HPSE: variants seen among roughly 807,000 people sequenced by gnomAD.
HPSE encodes heparanase, also known as endo-glucoronidase.
HPSE carries 48 observed loss-of-function variants against 65.1 expected under a neutral mutation model. The ratio of observed to expected loss-of-function variants is 0.74; its 90% CI spans 0.58 to 0.94. The LOEUF is 0.94. Among genes scored for constraint, HPSE ranks in the 40% least tolerant of loss-of-function variants. HPSE has a pLI of 0.00. For missense variants in HPSE, 644 were observed against 637.5 expected, an observed-to-expected ratio of 1.01 and a Z score of -0.11; for synonymous variants, 243 against 260.0, an observed-to-expected ratio of 0.93 and a Z score of 0.63.
intron 8 of HPSE, among the ~76,000 whole-genome samples, chr4:83,306,884 A>T (rs1391260926): frequency 2.0e-5 from 3 of 152,212 alleles, no homozygotes; most frequent in Non-Finnish European, 4.4e-5. Flanking sequence ...TCCTGGGGAT[A>T]ACATCACTGT....
intron 11 of HPSE, among the ~76,000 whole-genome samples, chr4:83,296,556 T>C (rs1283923346): frequency 6.6e-6 from 1 of 151,798 alleles, no homozygotes; most frequent in Non-Finnish European, 1.5e-5. Context: ...GTGCCTGTAG[T>C]CCCAGCTACT....
intron 8 of HPSE, among the ~76,000 whole-genome samples, chr4:83,307,107 T>C (rs1736170384): frequency 6.6e-6 from 1 of 152,172 alleles, no homozygotes; most frequent in South Asian, 2.1e-4. Context: ...ACCGGCCAAA[T>C]TATCCTTAAA....
At chr4:83,328,844 G>A (rs965248040) in intron 1 of HPSE, among the ~76,000 whole-genome samples, 3 of 152,096 alleles carry the variant, frequency 2.0e-5, no homozygotes, top group Middle Eastern at 3.2e-3. Flanking sequence ...CTGATAGAGC[G>A]AAGTCCTTGG....
chr4:83,321,246 G>C (rs901110894), intron 2 of HPSE, among the ~76,000 whole-genome samples: 1 of 151,868 alleles, frequency 6.6e-6, no homozygotes, highest in African/African-American at 2.4e-5. Flanking sequence ...ACTCCAACCT[G>C]GTATTCAAAG....
At chr4:83,322,711 C>T (rs1237034603) in intron 1 of HPSE, among the ~76,000 whole-genome samples, 1 of 151,740 alleles carries the variant, frequency 6.6e-6, no homozygotes, top group African/African-American at 2.4e-5. Context: ...GGAAGCATCT[C>T]AATCTGAATC....
intron 6 of HPSE, among the ~76,000 whole-genome samples, chr4:83,309,729 T>G (rs916298798): frequency 6.6e-6 from 1 of 152,200 alleles, no homozygotes; most frequent in Non-Finnish European, 1.5e-5. Flanking sequence ...GGCAAGTACA[T>G]GTACTCCTGG....
intron 1 of HPSE, among the ~76,000 whole-genome samples, chr4:83,323,715 C>A (rs1210870227): frequency 2.0e-5 from 3 of 152,156 alleles, no homozygotes; most frequent in African/African-American, 7.2e-5. Context: ...TAATTCCCAT[C>A]ACTGACACCT....
At chr4:83,332,226 A>G (rs1373214384) in intron 1 of HPSE, among the ~76,000 whole-genome samples, 1 of 152,118 alleles carries the variant, frequency 6.6e-6, no homozygotes, top group East Asian at 1.9e-4. Context: ...TCTACTGTGG[A>G]CCCCTACAAA....
chr4:83,309,915 T>C, intron 6 of HPSE, 116 bp downstream of exon 6: 2 of 692,792 alleles, frequency 2.9e-6, no homozygotes, highest in South Asian at 3.9e-5. Context: ...AGACACTATT[T>C]GTTTCTTATT....
chr4:83,318,882 G>A (rs550839726), intron 3 of HPSE, among the ~76,000 whole-genome samples: 7 of 152,252 alleles, frequency 4.6e-5, no homozygotes, highest in Admixed American at 4.6e-4. Context: ...AAAAGAGAAT[G>A]CTGCTTGGTG....
chr4:83,301,884 G>T (rs1735961179), intron 10 of HPSE, among the ~76,000 whole-genome samples: 1 of 152,170 alleles, frequency 6.6e-6, no homozygotes, highest in African/African-American at 2.4e-5. Flanking sequence ...TTGAACCCGG[G>T]AGGCGGAGGT....
rs747977853 is a variant in HPSE at position 83,310,115 on chromosome 4, T to G, written c.843-37A>C. Reference sequence around the variant, plus strand: ...ATTTTATTATCACTCAGTCATATAATACATATATATGCACAATATACGCAT... The same window carrying G: ...ATTTTATTATCACTCAGTCATATAAGACATATATATGCACAATATACGCAT... On this transcript the variant is annotated intron_variant, in intron 5 of 11. Coordinates refer to ENST00000311412, the MANE Select transcript of HPSE (RefSeq NM_001098540.3). 4.4e-6 allele frequency: 6 copies of G among 1,352,842 alleles called. 1 individual carries two copies. In the South Asian group the frequency reaches 4.7e-5, roughly 11 times the overall value. 83.8% of individuals were successfully genotyped at this position (1,352,842 alleles called of 1,614,324 possible). A position where few individuals can be genotyped will look rare whatever the true frequency, so the allele number is the denominator to read the frequency against.
intron 9 of HPSE, 85 bp downstream of exon 9, chr4:83,306,118 T>C (rs533078240): frequency 2.7e-6 from 2 of 742,398 alleles, no homozygotes; most frequent in South Asian, 3.1e-5. Flanking sequence ...CTGAGAGGAC[T>C]GACTGTTCAT....
intron 4 of HPSE, among the ~76,000 whole-genome samples, chr4:83,312,464 T>A (rs1431326237): frequency 2.0e-5 from 3 of 151,334 alleles, no homozygotes; most frequent in Admixed American, 1.3e-4. Context: ...GATCATGGGG[T>A]CAGGAGATAG....
chr4:83,308,889 TCCA>T lies in HPSE; in HGVS notation c.1044_1046del (p.Tyr348_Gly349delinsTer). The T allele has an allele frequency of 1.2e-6, 2 of 1,614,172 alleles. No homozygotes were observed. Among genetic ancestry groups the T allele is most frequent in the Non-Finnish European group, 1.7e-6 (2 of 1,180,028 alleles). On this transcript the variant is annotated stop_gained and inframe_deletion, in exon 8 of 12. Transcript: ENST00000311412. LOFTEE classifies it high-confidence loss of function. ...TGTCGGATAGCAAGGGCGCTCCGCC[TCCA>T]TATGCAGAGCTTGTTTCTCCTAACC...
chr4:83,309,983 T>C (rs767501353), intron 6 of HPSE, 48 bp downstream of exon 6: 1 of 1,380,832 alleles, frequency 7.2e-7, no homozygotes, highest in East Asian at 2.3e-5. Context: ...AGGTAATAAA[T>C]AAAGCTAGCC....
intron 2 of HPSE, among the ~76,000 whole-genome samples, chr4:83,321,774 GT>G: frequency 6.6e-6 from 1 of 152,254 alleles, no homozygotes; most frequent in Admixed American, 6.5e-5. Context: ...AGAATCTAAC[GT>G]TGGAGCCCAG....
intron 1 of HPSE, among the ~76,000 whole-genome samples, chr4:83,331,286 G>C (rs751605900): frequency 6.6e-6 from 1 of 152,078 alleles, no homozygotes; most frequent in African/African-American, 2.4e-5. Flanking sequence ...CTTGGTTTGA[G>C]AAAAGGAATA....
intron 1 of HPSE, among the ~76,000 whole-genome samples, chr4:83,322,901 A>G (rs1023843253): frequency 2.0e-5 from 3 of 150,472 alleles, no homozygotes; most frequent in African/African-American, 7.4e-5. Flanking sequence ...TCTGGCTTCA[A>G]GTGATGCTTC....
Sources: allele counts gnomAD v4.1 joint callset (sites outside exome capture counted in the v4.1 genomes callset), GRCh38; gene constraint gnomAD v4.1.1; transcripts MANE v1.5; gene names NCBI Gene and HGNC (gene_info 2026-07-23, HGNC 2026-07-21).